The following TRIO variants were observed in gnomAD, a reference collection of about 807,000 sequenced individuals.
TRIO encodes the protein trio Rho guanine nucleotide exchange factor, also known as triple functional domain protein.
In TRIO, 58 loss-of-function variants were observed where a neutral mutation model predicts 351.9. The observed-to-expected ratio is 0.16, with a 90% CI of 0.13 to 0.21. The LOEUF (loss-of-function observed/expected upper bound fraction) is 0.21, where lower values mean the gene tolerates loss of function less well. TRIO is among the 10% of genes least tolerant of loss of function. The pLI, the probability that TRIO is intolerant of heterozygous loss-of-function variation, is 1.00. For synonymous variants in TRIO, 1,758 were observed against 1,595.7 expected (o/e 1.10, Z -2.42); for missense variants, 3,201 against 4,027.8 (o/e 0.79, Z 5.56).
At chr5:14,191,608 T>C (rs1790462415) in intron 1 of TRIO, among the ~76,000 whole-genome samples, 1 of 151,772 alleles carries the variant, frequency 6.6e-6, no homozygotes, top group Admixed American at 6.6e-5. Context: ...CACAGCAAAC[T>C]GTCCACTTAT....
intron 1 of TRIO, among the ~76,000 whole-genome samples, chr5:14,202,073 A>C (rs1306489082): frequency 6.6e-6 from 1 of 152,018 alleles, no homozygotes; most frequent in Non-Finnish European, 1.5e-5. Flanking sequence ...CATATGTAAC[A>C]AACCTGCACG....
chr5:14,489,131 A>G, intron 48 of TRIO: 3 of 717,434 alleles, frequency 4.2e-6, no homozygotes, highest in Non-Finnish European at 7.7e-6. Context: ...TTTTAAATAC[A>G]TTTCTCTAAA....
intron 11 of TRIO, 21 bp from the exon 12 acceptor site, chr5:14,358,157 C>T (rs778239136): frequency 1.4e-5 from 23 of 1,596,854 alleles, no homozygotes; most frequent in Non-Finnish European, 1.8e-5. Context: ...GCCGGCCTCA[C>T]CCCCCTCTCC....
At chr5:14,230,869 T>C (rs141806182) in intron 1 of TRIO, among the ~76,000 whole-genome samples, 413 of 152,338 alleles carry the variant, frequency 2.7e-3, no homozygotes, top group Middle Eastern at 0.024. Context: ...TACTTGCTTA[T>C]TGATTGTTTT....
intron 11 of TRIO, among the ~76,000 whole-genome samples, chr5:14,348,363 T>C (rs1742631015): frequency 6.6e-6 from 1 of 152,260 alleles, no homozygotes; most frequent in African/African-American, 2.4e-5. Flanking sequence ...TGAAATACCA[T>C]TTCTGGGGAG....
intron 33 of TRIO, among the ~76,000 whole-genome samples, chr5:14,411,471 C>A (rs1429857641): frequency 6.6e-6 from 1 of 152,228 alleles, no homozygotes; most frequent in East Asian, 1.9e-4. Context: ...TCTTTCGAAT[C>A]TTAAGCCGTA....
intron 13 of TRIO, among the ~76,000 whole-genome samples, chr5:14,363,060 G>T (rs1249178676): frequency 6.9e-6 from 1 of 144,616 alleles, no homozygotes; most frequent in Non-Finnish European, 1.5e-5. Flanking sequence ...GTGTAATGGT[G>T]CCATCTCAGC....
Position 14,471,447 on chromosome 5 carries a change from A to G in TRIO, c.5893A>G (p.Ser1965Gly). Residue 1965 changes from serine to glycine, a missense_variant, in exon 38 of 57, where the codon AGC (serine) becomes GGC (glycine). Around this residue, in one of 19 missense-constraint regions of TRIO, gnomAD observed 307 missense variants for 396.5 expected, o/e 0.77. Coordinates refer to ENST00000344204, the MANE Select transcript of TRIO (RefSeq NM_007118.4). ...PIDEMEERKSSSLKRRHYVLQ... is the reference protein window; with the variant it reads ...PIDEMEERKSGSLKRRHYVLQ... The stretch of plus-strand genomic sequence containing the variant: ...TGATGAGATGGAAGAAAGGAAATCC[A>G]GCTCTTTAAAGAGAAGACAGTAAGA... The G allele has an allele frequency of 6.2e-7, 1 of 1,614,202 alleles. No individual in the cohort carries two copies. Among genetic ancestry groups the G allele is most frequent in the African/African-American group, 1.3e-5 (1 of 75,056 alleles).
chr5:14,172,587 T>TAA (rs1789161128), intron 1 of TRIO, among the ~76,000 whole-genome samples: 1 of 152,158 alleles, frequency 6.6e-6, no homozygotes, highest in Non-Finnish European at 1.5e-5. Context: ...ACACATTTGG[T>TAA]CACAATAACA....
intron 1 of TRIO, among the ~76,000 whole-genome samples, chr5:14,191,976 A>G (rs909100480): frequency 4.6e-5 from 7 of 152,204 alleles, no homozygotes; most frequent in African/African-American, 1.4e-4. Flanking sequence ...AGATGTTGGC[A>G]TATCAAAGAT....
chr5:14,197,050 T>A (rs576182742), intron 1 of TRIO, among the ~76,000 whole-genome samples: 23 of 152,282 alleles, frequency 1.5e-4, no homozygotes, highest in Admixed American at 2.6e-4. Context: ...AAAACATCGT[T>A]GGATTGGAAG....
At chr5:14,275,886 T>G (rs940801248) in intron 2 of TRIO, among the ~76,000 whole-genome samples, 7 of 135,360 alleles carry the variant, frequency 5.2e-5, no homozygotes, top group Admixed American at 4.5e-4. Context: ...ATATATATGT[T>G]TATATATATG....
intron 33 of TRIO, among the ~76,000 whole-genome samples, chr5:14,408,674 T>C (rs1362217521): frequency 3.3e-5 from 5 of 152,126 alleles, no homozygotes; most frequent in Non-Finnish European, 4.4e-5. Context: ...GATTATCTGG[T>C]GAATTTCCAT....
At chr5:14,190,930 C>T (rs1790417324) in intron 1 of TRIO, among the ~76,000 whole-genome samples, 1 of 152,120 alleles carries the variant, frequency 6.6e-6, no homozygotes, top group Non-Finnish European at 1.5e-5. Context: ...AGCACTTCTC[C>T]GATTTCCCTC....
At chr5:14,434,689 C>T (rs1187748793) in intron 34 of TRIO, among the ~76,000 whole-genome samples, 1 of 152,158 alleles carries the variant, frequency 6.6e-6, no homozygotes, top group Non-Finnish European at 1.5e-5. Flanking sequence ...GCTTTCATGT[C>T]CTCTCTCTGG....
At chr5:14,272,923 C>G (rs1310958108) in intron 2 of TRIO, among the ~76,000 whole-genome samples, 1 of 152,100 alleles carries the variant, frequency 6.6e-6, no homozygotes, top group African/African-American at 2.4e-5. Flanking sequence ...AAATTTATCT[C>G]TAACTCATTT....
rs776124750 is a variant in TRIO, at chr5:14,475,589, T to C, written c.6084-1305T>C. 2.0e-5 allele frequency among the ~76,000 whole-genome samples: 3 copies of C among 152,380 alleles called. No individual in the cohort carries two copies. The East Asian group carries it at 5.8e-4, about 29-fold the overall frequency. On this transcript the variant is annotated intron_variant, in intron 40 of 56. Coordinates refer to ENST00000344204, the MANE Select transcript of TRIO (RefSeq NM_007118.4). ...TTATTTTCATATCCCCTGTGATGTC[T>C]AATTTATTTGGATTTACAGATAAAT...
chr5:14,375,522 A>G (rs761887460), intron 19 of TRIO, among the ~76,000 whole-genome samples: 8 of 152,250 alleles, frequency 5.3e-5, no homozygotes, highest in Non-Finnish European at 1.2e-4. Flanking sequence ...GAATTAAAAT[A>G]GAAGTGTTCT....
chr5:14,201,787 C>T (rs1340337696), intron 1 of TRIO, among the ~76,000 whole-genome samples: 1 of 151,950 alleles, frequency 6.6e-6, no homozygotes, highest in Non-Finnish European at 1.5e-5. Context: ...AGCAAAAATA[C>T]AGAAATGATT....
Sources: allele counts gnomAD v4.1 joint callset (sites outside exome capture counted in the v4.1 genomes callset), GRCh38; gene constraint gnomAD v4.1.1; regional missense constraint gnomAD v4.1.1; transcripts MANE v1.5; gene names NCBI Gene and HGNC (gene_info 2026-07-23, HGNC 2026-07-21).